BSN: variants seen among roughly 807,000 people sequenced by gnomAD.
BSN encodes protein bassoon.
A neutral mutation model predicts 264.8 loss-of-function variants in BSN; 57 were observed. That is an observed-to-expected ratio of 0.22 (90% CI 0.17 to 0.27). The LOEUF (loss-of-function observed/expected upper bound fraction) is 0.27. Ranked by LOEUF, BSN falls within the 10% of genes least tolerant of loss-of-function variation. The pLI, the probability that BSN is intolerant of heterozygous loss-of-function variation, is 1.00. For synonymous variants in BSN, 2,059 were observed against 2,137.3 expected (o/e 0.96, Z 1.01); for missense variants, 4,615 against 5,232.5 (o/e 0.88, Z 3.64).
Position 49,625,414 on chromosome 3 carries a change from C to T in BSN, c.633+31C>T, listed in dbSNP as rs371891155. The T allele has an allele frequency of 1.9e-5, 27 of 1,435,640 alleles. No individual in the cohort carries two copies. In the South Asian group the frequency reaches 2.5e-4, roughly 14 times the overall value. The allele number at this position is 1,435,640 out of a possible 1,614,324, so 88.9% of individuals were successfully genotyped here. A position where few individuals can be genotyped will look rare whatever the true frequency, so the allele number is the denominator to read the frequency against. ...CACTTCTGCGCCGGCTCCCCACTCA[C>T]CTGCTACCTCATTACCATACCTCCC... is the stretch of plus-strand genomic sequence containing the variant. On this transcript the variant is annotated intron_variant, in intron 2 of 11. Transcript: ENST00000296452. This position sits in a 1 kb window ranked among gnomAD's most constrained non-coding sequence, Gnocchi z 4.4.
At chr3:49,608,329 T>G (rs2052175915) in intron 1 of BSN, among the ~76,000 whole-genome samples, 1 of 152,166 alleles carries the variant, frequency 6.6e-6, no homozygotes, top group Admixed American at 6.5e-5. Context: ...TTTTTGCAAC[T>G]AGGCTGACAG....
chr3:49,636,001 T>C (rs1043154162), intron 2 of BSN, among the ~76,000 whole-genome samples: 2 of 151,834 alleles, frequency 1.3e-5, no homozygotes, highest in Non-Finnish European at 2.9e-5. Flanking sequence ...ATCGCTGATA[T>C]CAGTATACTT....
chr3:49,672,197 C>T (rs990123690), downstream of BSN, among the ~76,000 whole-genome samples: 2 of 152,048 alleles, frequency 1.3e-5, no homozygotes, highest in African/African-American at 4.8e-5. Context: ...TTCTAGCTTT[C>T]TGTTTATTTC....
rs2051686241 is a variant in BSN, at chr3:49,557,871, G to T, written c.224+3045G>T. On this transcript the variant is annotated intron_variant, in intron 1 of 11. Coordinates refer to ENST00000296452, the MANE Select transcript of BSN (RefSeq NM_003458.4). The stretch of plus-strand genomic sequence containing the variant: ...GGAGCCACTGCACCCGGCCCAACTT[G>T]CACATGTTTTGATGTTTGCAAATTG... 3.3e-5 allele frequency among the ~76,000 whole-genome samples: 5 copies of T among 152,138 alleles called. No individual in the cohort carries two copies. The South Asian group carries it at 1.0e-3, about 32-fold the overall frequency.
In BSN at chr3:49,655,950, G is replaced by A. The variant is rs201714007; in HGVS notation, c.6394G>A (p.Gly2132Arg). ...PDLVQYQPQHGPGLSAPQSLV... is the reference protein window; with the variant it reads ...PDLVQYQPQHRPGLSAPQSLV... The stretch of plus-strand genomic sequence containing the variant: ...CCTTGTGCAGTACCAGCCCCAGCAC[G>A]GGCCCGGGCTCAGTGCTCCACAGAG... The change falls in exon 5 of 12, where the codon GGG becomes AGG. Residue 2132 changes from glycine (G) to arginine (R), a missense_variant. Around this residue, in one of 3 missense-constraint regions of BSN, gnomAD observed 3,415 missense variants for 3,866.4 expected, o/e 0.88. Transcript: ENST00000296452. 86 of 1,610,656 alleles carry A rather than the reference G, an allele frequency of 5.3e-5. 1 individual carries two copies. The highest frequency in any genetic ancestry group is 3.3e-4 in the East Asian group (15 of 44,848).
rs1243276740 is a variant in BSN, at chr3:49,667,777, C to T, written c.*292C>T. On this transcript the variant is annotated 3_prime_UTR_variant, in exon 12 of 12. Transcript: ENST00000296452. ...AGATGCTGCTCTCTGCAGGGCACCA[C>T]CTTCAAGGCACAGCCCTTGTTGGGA... The T allele has an allele frequency of 6.6e-6, 1 of 152,592 alleles. No individual in the cohort carries two copies. The highest frequency in any genetic ancestry group is 1.5e-5 in the Non-Finnish European group (1 of 68,044). The allele number at this position is 152,592 out of a possible 1,614,324, so 9.5% of individuals were successfully genotyped here. A position where few individuals can be genotyped will look rare whatever the true frequency, so the allele number is the denominator to read the frequency against.
intron 1 of BSN, among the ~76,000 whole-genome samples, chr3:49,576,406 TTTTTTTCTTTTTTC>T (rs535594939): frequency 6.6e-6 from 1 of 151,838 alleles, no homozygotes; most frequent in Non-Finnish European, 1.5e-5. Context: ...CACTTTTCTT[TTTTTTTCTTTTTTC>T]TTTTTTCTTT....
chr3:49,556,615 A>G (rs1263572963), intron 1 of BSN, among the ~76,000 whole-genome samples: 2 of 152,088 alleles, frequency 1.3e-5, no homozygotes, highest in Non-Finnish European at 2.9e-5. Flanking sequence ...AGAACCAGAG[A>G]CCATTAGGAG....
chr3:49,651,300 T>G lies in BSN; in HGVS notation c.1986+221T>G. The stretch of plus-strand genomic sequence containing the variant: ...TGTGTCTGGCACCTTGTCAGATGCT[T>G]TGCTGGGTTTTGATACCCTTTGATC... On this transcript the variant is annotated intron_variant, in intron 4 of 11. Coordinates refer to ENST00000296452, the MANE Select transcript of BSN (RefSeq NM_003458.4). The surrounding 1 kb of genome is among the most constrained non-coding windows in gnomAD (Gnocchi z 5.4). The G allele has an allele frequency of 1.6e-6, 1 of 632,428 alleles. No homozygotes were observed. The highest frequency in any genetic ancestry group is 2.3e-5 in the South Asian group (1 of 43,876). The allele number at this position is 632,428 out of a possible 1,614,324, so 39.2% of individuals were successfully genotyped here. A position where few individuals can be genotyped will look rare whatever the true frequency, so the allele number is the denominator to read the frequency against.
Position 49,669,969 on chromosome 3 carries a change from T to TGCATTTCTCAGGGGTCC in BSN, c.*2495_*2511dup, listed in dbSNP as rs2052743572. ...GTCCAGAGTGCTCTGGTTTGCACCA[T>TGCATTTCTCAGGGGTCC]GCATTTCTCAGGGGTCCGCATTTCT... is the stretch of plus-strand genomic sequence containing the variant. On this transcript the variant is annotated 3_prime_UTR_variant, in exon 12 of 12. Transcript: ENST00000296452. The TGCATTTCTCAGGGGTCC allele has an allele frequency of 1.3e-5, 2 of 152,704 alleles. No homozygotes were observed. Among genetic ancestry groups the TGCATTTCTCAGGGGTCC allele is most frequent in the African/African-American group, 4.8e-5 (2 of 41,470 alleles). The allele number at this position is 152,704 out of a possible 1,614,324, so 9.5% of individuals were successfully genotyped here. A position where few individuals can be genotyped will look rare whatever the true frequency, so the allele number is the denominator to read the frequency against.
At chr3:49,568,918 A>G (rs936895649) in intron 1 of BSN, among the ~76,000 whole-genome samples, 4 of 152,116 alleles carry the variant, frequency 2.6e-5, no homozygotes, top group Non-Finnish European at 1.5e-5. Context: ...GCATGAGAGG[A>G]TGATCATGGT....
intron 1 of BSN, among the ~76,000 whole-genome samples, chr3:49,561,103 A>G (rs1425251968): frequency 1.3e-5 from 2 of 152,218 alleles, no homozygotes. Flanking sequence ...AGAGGGTCAC[A>G]TGGAGGCACA....
At chr3:49,622,483 G>T (rs992103510) in intron 1 of BSN, among the ~76,000 whole-genome samples, 5 of 152,160 alleles carry the variant, frequency 3.3e-5, no homozygotes, top group Non-Finnish European at 7.4e-5. Flanking sequence ...TCTCCAGAAA[G>T]ACTATATTGT....
chr3:49,580,792 T>C (rs2051890366), intron 1 of BSN, among the ~76,000 whole-genome samples: 1 of 152,056 alleles, frequency 6.6e-6, no homozygotes, highest in South Asian at 2.1e-4. Context: ...GGTGATAAAA[T>C]ATAAATATCA....
At position 49,650,681 on chromosome 3, in the gene BSN, C is replaced by G; in HGVS notation, c.1588C>G (p.Pro530Ala). 1 of 1,610,434 alleles carries G rather than the reference C, an allele frequency of 6.2e-7. No individual in the cohort carries two copies. Among genetic ancestry groups the G allele is most frequent in the Non-Finnish European group, 8.5e-7 (1 of 1,179,042 alleles). ...LLEGSLGEPT[P>A]LPPPTSQQPP... ...GGAGGGCAGCCTAGGAGAGCCGACCCCCCTGCCGCCGCCCACCTCACAGCA... is the reference window on the plus strand; with the variant it reads ...GGAGGGCAGCCTAGGAGAGCCGACCGCCCTGCCGCCGCCCACCTCACAGCA... Residue 530 changes from proline to alanine, a missense_variant, in exon 4 of 12, where the codon CCC becomes GCC. By Grantham distance (27) the Pro-to-Ala change is conservative. Around this residue, in one of 3 missense-constraint regions of BSN, gnomAD observed 1,197 missense variants for 1,348.0 expected, o/e 0.89. Transcript: ENST00000296452.
At chr3:49,576,443 C>CA (rs1187742196) in intron 1 of BSN, among the ~76,000 whole-genome samples, 4 of 147,152 alleles carry the variant, frequency 2.7e-5, no homozygotes, top group African/African-American at 1.0e-4. Context: ...TTTTTTGAGA[C>CA]AGAGTCTTGC....
At chr3:49,611,638 C>T (rs4855852) in intron 1 of BSN, among the ~76,000 whole-genome samples, 75,917 of 152,090 alleles carry the variant, frequency 0.5, 20,481 homozygotes, top group East Asian at 0.94. Context: ...CTCAGAAAGC[C>T]GAGCCTAGTA....
chr3:49,585,111 A>T lies in BSN; in HGVS notation c.224+30285A>T, dbSNP rs1311156314. On this transcript the variant is annotated intron_variant, in intron 1 of 11. Transcript: ENST00000296452. The surrounding 1 kb of genome is among the most constrained non-coding windows in gnomAD (Gnocchi z 4.7). Reference sequence around the variant, plus strand: ...TGCTGCGACAAACTCAGGAGTGCAGATATCTCTTCAATATATTGATTTCCT... The same window carrying T: ...TGCTGCGACAAACTCAGGAGTGCAGTTATCTCTTCAATATATTGATTTCCT... Among the ~76,000 whole-genome samples, 1 of 152,096 alleles carries T rather than the reference A, an allele frequency of 6.6e-6. No individual in the cohort carries two copies. Among genetic ancestry groups the T allele is most frequent in the Non-Finnish European group, 1.5e-5 (1 of 68,014 alleles).
At chr3:49,648,115 G>T (rs2052513857) in intron 3 of BSN, among the ~76,000 whole-genome samples, 1 of 152,192 alleles carries the variant, frequency 6.6e-6, no homozygotes. Context: ...TGGGCCTCTG[G>T]GCTCAGGCAA....
Sources: gnomAD v4.1 joint callset for allele counts (sites outside exome capture counted in the v4.1 genomes callset) on GRCh38, gnomAD v4.1.1 for gene constraint, gnomAD v4.1.1 regional missense constraint, Gnocchi (gnomAD v3.1) non-coding constraint, MANE v1.5 for transcripts, NCBI Gene and HGNC (gene_info 2026-07-23, HGNC 2026-07-21) for gene names.